GREB1L: variants seen among roughly 807,000 people sequenced by gnomAD.
GREB1L encodes GREB1-like protein.
Under a neutral mutation model 200.8 loss-of-function variants are expected in GREB1L, and 17 were observed. The observed-to-expected ratio is 0.08, with a 90% CI of 0.06 to 0.13. The LOEUF is 0.13. GREB1L is among the 10% of genes least tolerant of loss of function. GREB1L has a pLI of 1.00. For missense variants in GREB1L, 1,657 were observed against 2,367.7 expected (o/e 0.70, Z 6.23); for synonymous variants, 789 against 893.0 (o/e 0.88, Z 2.08).
At chr18:21,292,072 T>A (rs140951170) in intron 1 of GREB1L, among the ~76,000 whole-genome samples, 257 of 152,226 alleles carry the variant, frequency 1.7e-3, no homozygotes, top group African/African-American at 5.9e-3. Flanking sequence ...ATAGTAAAAT[T>A]TCAAAAGATA....
chr18:21,346,944 C>G (rs926570938), intron 1 of GREB1L, among the ~76,000 whole-genome samples: 4 of 152,126 alleles, frequency 2.6e-5, no homozygotes, highest in African/African-American at 9.7e-5. Context: ...GCCATTGTAC[C>G]TTTCTGACAA....
intron 7 of GREB1L, among the ~76,000 whole-genome samples, chr18:21,434,731 A>G (rs2033429451): frequency 6.6e-6 from 1 of 152,022 alleles, no homozygotes; most frequent in African/African-American, 2.4e-5. Flanking sequence ...AGTGCTTAAA[A>G]TAGCATGCAT....
Position 21,439,602 on chromosome 18 carries a change from T to G in GREB1L, c.914T>G (p.Leu305Trp). The stretch of plus-strand genomic sequence containing the variant: ...CCAGCCCACACAGGGAATTACTCTT[T>G]GTCACCACGACCTAGCTATGCATCA... Reference protein sequence around the residue: ...STPAHTGNYSLSPRPSYASGD... With the variant: ...STPAHTGNYSWSPRPSYASGD... Residue 305 changes from leucine (L) to tryptophan (W), a missense_variant, in exon 8 of 33, where the codon TTG (leucine) becomes TGG (tryptophan). Physicochemically the swap from Leu to Trp is moderately conservative, Grantham distance 61. This residue lies in a region of GREB1L where 289 missense variants were observed against 345.1 expected (regional missense o/e 0.84). Coordinates refer to ENST00000424526, the MANE Select transcript of GREB1L (RefSeq NM_001142966.3). 1.3e-6 allele frequency: 2 copies of G among 1,551,800 alleles called. No homozygotes were observed. Among genetic ancestry groups the G allele is most frequent in the South Asian group, 2.4e-5 (2 of 84,048 alleles).
chr18:21,463,366 C>T (rs945026394), intron 15 of GREB1L, among the ~76,000 whole-genome samples: 2 of 151,534 alleles, frequency 1.3e-5, no homozygotes, highest in East Asian at 3.9e-4. Flanking sequence ...AGGATGGTCT[C>T]GATCTCCTGA....
Position 21,508,587 on chromosome 18 carries a change from C to A in GREB1L, c.4731C>A (p.Gly1577=), listed in dbSNP as rs186502140. Reference sequence around the variant, plus strand: ...TTCCCGGCATGTTCAATAATGCAGGCGTGGGTAAGGGGCCCCCCTGGGATG... The same window carrying A: ...TTCCCGGCATGTTCAATAATGCAGGAGTGGGTAAGGGGCCCCCCTGGGATG... ...LVLPGMFNNA[G]VGAARFLIKE... Residue 1577 remains glycine (G), a synonymous_variant, in exon 27 of 33, where the codon GGC becomes GGA. Coordinates refer to ENST00000424526, the MANE Select transcript of GREB1L (RefSeq NM_001142966.3). 25 of 1,551,438 alleles carry A rather than the reference C, an allele frequency of 1.6e-5. No homozygotes were observed. The African/African-American group carries it at 2.6e-4, about 16-fold the overall frequency.
chr18:21,426,958 C>CAAAAAAAAAAAAAAAAAAA (rs568993346), intron 7 of GREB1L, among the ~76,000 whole-genome samples: 1 of 68,426 alleles, frequency 1.5e-5, no homozygotes, highest in African/African-American at 3.8e-5. Flanking sequence ...GACTACGTCT[C>CAAAAAAAAAAAAAAAAAAA]AAAAAAAAAA....
chr18:21,269,600 A>G (rs915112670), intron 1 of GREB1L, among the ~76,000 whole-genome samples: 18 of 152,334 alleles, frequency 1.2e-4, no homozygotes, highest in African/African-American at 4.3e-4. Flanking sequence ...TAATTAAAAC[A>G]AGACATGAGA....
intron 16 of GREB1L, among the ~76,000 whole-genome samples, chr18:21,475,970 CAAAAAAAAAAAAA>C (rs71178177): frequency 5.5e-3 from 324 of 58,384 alleles, no homozygotes; most frequent in Middle Eastern, 0.026. Flanking sequence ...GACTCCGTCT[CAAAAAAAAAAAAA>C]AAAAAAAAAA....
At chr18:21,377,993 A>T (rs1028303846) in intron 2 of GREB1L, among the ~76,000 whole-genome samples, 4 of 152,314 alleles carry the variant, frequency 2.6e-5, no homozygotes, top group Admixed American at 2.0e-4. Context: ...CCCCAAAGTG[A>T]TGAGATTACA....
chr18:21,438,452 G>A (rs1764752816), intron 7 of GREB1L, among the ~76,000 whole-genome samples: 1 of 151,946 alleles, frequency 6.6e-6, no homozygotes, highest in African/African-American at 2.4e-5. Context: ...ATTGCTTGAG[G>A]CCAGGAGTTC....
intron 13 of GREB1L, 93 bp from the exon 14 acceptor site, chr18:21,451,990 C>A: frequency 8.4e-7 from 1 of 1,196,566 alleles, no homozygotes; most frequent in Non-Finnish European, 1.2e-6. Flanking sequence ...AACAAATCTA[C>A]TGAGAACAGC....
chr18:21,417,984 A>G (rs963955736), intron 7 of GREB1L, among the ~76,000 whole-genome samples: 2 of 151,656 alleles, frequency 1.3e-5, no homozygotes. Flanking sequence ...CCATCTCAAA[A>G]AAAAAAAAAA....
At chr18:21,256,390 G>A (rs1289048598) in intron 1 of GREB1L, among the ~76,000 whole-genome samples, 1 of 152,206 alleles carries the variant, frequency 6.6e-6, no homozygotes, top group African/African-American at 2.4e-5. Flanking sequence ...TTGGAGCACA[G>A]TGAATGATCA....
At chr18:21,332,186 G>A (rs2039115366) in intron 1 of GREB1L, among the ~76,000 whole-genome samples, 1 of 152,222 alleles carries the variant, frequency 6.6e-6, no homozygotes, top group Non-Finnish European at 1.5e-5. Flanking sequence ...ATGAAGATCT[G>A]CTGTTGTACT....
At chr18:21,471,218 T>G (rs1490004820) in intron 15 of GREB1L, among the ~76,000 whole-genome samples, 1 of 152,248 alleles carries the variant, frequency 6.6e-6, no homozygotes, top group African/African-American at 2.4e-5. Flanking sequence ...CTCTTAATTA[T>G]CAATACAGTA....
chr18:21,362,270 G>T (rs1166647188), intron 1 of GREB1L, among the ~76,000 whole-genome samples: 1 of 152,044 alleles, frequency 6.6e-6, no homozygotes, highest in Non-Finnish European at 1.5e-5. Context: ...TATATAAGTT[G>T]AAATTTTTTT....
chr18:21,503,921 C>T (rs2036906812), intron 23 of GREB1L, among the ~76,000 whole-genome samples: 1 of 151,700 alleles, frequency 6.6e-6, no homozygotes, highest in Admixed American at 6.6e-5. Flanking sequence ...GTGCCTGCAA[C>T]TGTCTAGGCA....
chr18:21,336,383 C>T (rs1466506318), intron 1 of GREB1L, among the ~76,000 whole-genome samples: 1 of 152,208 alleles, frequency 6.6e-6, no homozygotes, highest in Non-Finnish European at 1.5e-5. Flanking sequence ...TGTCTCCCTT[C>T]CTTCCGTGAA....
intron 2 of GREB1L, among the ~76,000 whole-genome samples, chr18:21,383,036 C>G (rs2040388415): frequency 7.2e-6 from 1 of 139,316 alleles, no homozygotes. Flanking sequence ...AACCATAAAA[C>G]TTTCATTTTT....
Sources: gnomAD v4.1 joint callset for allele counts (sites outside exome capture counted in the v4.1 genomes callset) on GRCh38, gnomAD v4.1.1 for gene constraint, gnomAD v4.1.1 regional missense constraint, MANE v1.5 for transcripts, NCBI Gene and HGNC (gene_info 2026-07-23, HGNC 2026-07-21) for gene names.